CEP112: variants seen among roughly 807,000 people sequenced by gnomAD.
CEP112 encodes centrosomal protein 112.
In CEP112, 127 loss-of-function variants were observed where a neutral mutation model predicts 153.0. The ratio of observed to expected loss-of-function variants is 0.83; its 90% CI spans 0.72 to 0.96. CEP112 has a LOEUF of 0.96. Among genes scored for constraint, CEP112 ranks in the 40% least tolerant of loss-of-function variants. The pLI is 0.00. For synonymous variants in CEP112, 358 were observed against 374.4 expected (o/e 0.96, Z 0.51); for missense variants, 1,089 against 1,101.2 (o/e 0.99, Z 0.16).
intron 21 of CEP112, among the ~76,000 whole-genome samples, chr17:65,767,376 C>T (rs116012391): frequency 6.6e-6 from 1 of 152,004 alleles, no homozygotes; most frequent in African/African-American, 2.4e-5. Flanking sequence ...CTATGGGATG[C>T]CCAAAAGCAT....
chr17:65,654,814 T>A (rs921160202), intron 24 of CEP112: 1 of 393,110 alleles, frequency 2.5e-6, no homozygotes, highest in African/African-American at 2.1e-5. Context: ...AGAAAATTAC[T>A]AATAAACTGT....
At chr17:65,792,496 C>T (rs2054648047) in intron 21 of CEP112, among the ~76,000 whole-genome samples, 1 of 151,918 alleles carries the variant, frequency 6.6e-6, no homozygotes, top group Non-Finnish European at 1.5e-5. Flanking sequence ...AAGTTACATA[C>T]CGATGTCTCT....
chr17:66,067,816 A>C (rs910122212), intron 9 of CEP112, among the ~76,000 whole-genome samples: 1 of 152,198 alleles, frequency 6.6e-6, no homozygotes, highest in Admixed American at 6.5e-5. Flanking sequence ...GGCAGAGAGA[A>C]GTCATCAGAA....
chr17:65,831,511 C>G (rs558946592), intron 21 of CEP112, among the ~76,000 whole-genome samples: 1 of 150,316 alleles, frequency 6.7e-6, no homozygotes, highest in African/African-American at 2.4e-5. Context: ...GAGCCAAGAT[C>G]GCGCCACTGC....
At position 66,155,007 on chromosome 17, in the gene CEP112, C is replaced by T. The variant is rs187527417; in HGVS notation, c.470+20037G>A. 2.6e-5 allele frequency among the ~76,000 whole-genome samples: 4 copies of T among 152,246 alleles called. No homozygotes were observed. In the East Asian group the frequency reaches 7.7e-4, roughly 29 times the overall value. On this transcript the variant is annotated intron_variant, in intron 4 of 26. Coordinates refer to ENST00000535342, the MANE Select transcript of CEP112 (RefSeq NM_001199165.4). ...TCTCCCTCCCTCCCTCTCTCTCTCT[C>T]TTCTCACTTTCTGCCATAGGATGAT...
chr17:65,997,801 A>C (rs547739932), intron 17 of CEP112, among the ~76,000 whole-genome samples: 1,864 of 136,720 alleles, frequency 0.014, 38 homozygotes, highest in African/African-American at 0.047. Context: ...CCCCCCCCCC[A>C]CACACACACA....
chr17:65,822,957 T>C (rs935080506), intron 21 of CEP112, among the ~76,000 whole-genome samples: 10 of 151,942 alleles, frequency 6.6e-5, no homozygotes, highest in African/African-American at 1.9e-4. Context: ...CAAAGAACAA[T>C]TGGGAATTGA....
chr17:66,149,815 T>C (rs1253456891), intron 4 of CEP112, among the ~76,000 whole-genome samples: 3 of 150,948 alleles, frequency 2.0e-5, no homozygotes, highest in Non-Finnish European at 4.4e-5. Context: ...TTCCTTCTGT[T>C]AGCTTTAGGT....
At chr17:65,748,964 A>G (rs918921594) in intron 22 of CEP112, among the ~76,000 whole-genome samples, 1 of 152,224 alleles carries the variant, frequency 6.6e-6, no homozygotes, top group South Asian at 2.1e-4. Context: ...AATAAGCAGG[A>G]TGTTAGGATA....
At chr17:66,112,900 C>G (rs756914965) in intron 6 of CEP112, among the ~76,000 whole-genome samples, 8 of 152,052 alleles carry the variant, frequency 5.3e-5, no homozygotes, top group Non-Finnish European at 1.2e-4. Context: ...GAGCCAAGAT[C>G]ATGTCATTGC....
chr17:66,115,635 T>G (rs1254527176), intron 6 of CEP112, among the ~76,000 whole-genome samples: 2 of 152,234 alleles, frequency 1.3e-5, no homozygotes, highest in African/African-American at 4.8e-5. Context: ...AATGCAATGC[T>G]GGACCCCTCA....
At chr17:66,024,622 A>G (rs756813252) in intron 16 of CEP112, among the ~76,000 whole-genome samples, 56 of 152,142 alleles carry the variant, frequency 3.7e-4, no homozygotes, top group Non-Finnish European at 7.6e-4. Context: ...GAAAACTACA[A>G]AACACTGTTG....
chr17:65,971,430 T>G (rs1374653754), intron 17 of CEP112, among the ~76,000 whole-genome samples: 1 of 151,956 alleles, frequency 6.6e-6, no homozygotes, highest in Non-Finnish European at 1.5e-5. Context: ...GCTGCATGCA[T>G]GTTACATGGA....
chr17:65,747,776 T>C (rs1364459357), intron 22 of CEP112, among the ~76,000 whole-genome samples: 3 of 152,158 alleles, frequency 2.0e-5, no homozygotes, highest in African/African-American at 7.2e-5. Flanking sequence ...AGGTCTCAGG[T>C]GTGCCAAAGT....
chr17:65,772,697 G>T (rs543665266), intron 21 of CEP112, among the ~76,000 whole-genome samples: 1 of 151,974 alleles, frequency 6.6e-6, no homozygotes, highest in African/African-American at 2.4e-5. Context: ...GACCTTCTCC[G>T]GGTTAGGCAC....
At chr17:65,709,876 A>T (rs1340646848) in intron 23 of CEP112, among the ~76,000 whole-genome samples, 2 of 152,178 alleles carry the variant, frequency 1.3e-5, no homozygotes, top group Non-Finnish European at 2.9e-5. Flanking sequence ...GCTACCAATG[A>T]TCTTTCCAAA....
At chr17:66,186,578 C>T (rs2072946966) in intron 1 of CEP112, among the ~76,000 whole-genome samples, 1 of 152,132 alleles carries the variant, frequency 6.6e-6, no homozygotes, top group African/African-American at 2.4e-5. Context: ...CATGAGCCAC[C>T]ATGCCCAGCT....
At chr17:65,828,040 T>C (rs1366088915) in intron 21 of CEP112, among the ~76,000 whole-genome samples, 1 of 152,206 alleles carries the variant, frequency 6.6e-6, no homozygotes, top group Non-Finnish European at 1.5e-5. Context: ...ATGCAGCATG[T>C]TCATGGCTAA....
intron 20 of CEP112, among the ~76,000 whole-genome samples, chr17:65,866,264 C>T (rs558442554): frequency 2.6e-5 from 4 of 152,332 alleles, no homozygotes; most frequent in East Asian, 1.9e-4. Context: ...GCAGCCTGGC[C>T]GGTTGTGCGC....
Sources: gnomAD v4.1 joint callset for allele counts (sites outside exome capture counted in the v4.1 genomes callset) on GRCh38, gnomAD v4.1.1 for gene constraint, MANE v1.5 for transcripts, NCBI Gene and HGNC (gene_info 2026-07-23, HGNC 2026-07-21) for gene names.